The following CCDC30 variants were observed in gnomAD, a reference collection of about 807,000 sequenced individuals.
CCDC30 encodes coiled-coil domain-containing protein 30.
A neutral mutation model predicts 100.2 loss-of-function variants in CCDC30; 70 were observed. That is an observed-to-expected ratio of 0.70 (90% CI 0.58 to 0.85). The LOEUF (loss-of-function observed/expected upper bound fraction) is 0.85, where lower values mean the gene tolerates loss of function less well. Among genes scored for constraint, CCDC30 ranks in the 40% least tolerant of loss-of-function variants. The pLI, the probability that CCDC30 is intolerant of heterozygous loss-of-function variation, is 0.00. For synonymous variants in CCDC30, 233 were observed against 269.5 expected, an observed-to-expected ratio of 0.86 and a Z score of 1.33; for missense variants, 652 against 771.2, an observed-to-expected ratio of 0.85 and a Z score of 1.83.
chr1:42,515,785 C>T (rs1229171811), intron 6 of CCDC30, among the ~76,000 whole-genome samples: 2 of 152,218 alleles, frequency 1.3e-5, no homozygotes, highest in African/African-American at 4.8e-5. Flanking sequence ...CTAGATATTT[C>T]ATATAAGGGG....
At chr1:42,523,173 A>T (rs1052387197) in intron 6 of CCDC30, among the ~76,000 whole-genome samples, 2 of 152,118 alleles carry the variant, frequency 1.3e-5, no homozygotes, top group Non-Finnish European at 2.9e-5. Context: ...TTTTACTGAG[A>T]TCTTTATTAA....
chr1:42,622,425 C>T (rs1238884926), intron 11 of CCDC30, among the ~76,000 whole-genome samples: 1 of 152,190 alleles, frequency 6.6e-6, no homozygotes, highest in African/African-American at 2.4e-5. Context: ...CTTCGATATA[C>T]TGATTTCCTT....
chr1:42,459,938 C>T (rs1008876005), upstream of CCDC30: 9 of 1,575,918 alleles, frequency 5.7e-6, no homozygotes, highest in Non-Finnish European at 7.7e-6. Flanking sequence ...GTAAAAAGCC[C>T]TTATAGGATC....
intron 15 of CCDC30, among the ~76,000 whole-genome samples, chr1:42,650,484 T>TA (rs199704527): frequency 1.1e-4 from 15 of 136,192 alleles, no homozygotes; most frequent in Non-Finnish European, 2.2e-4. Context: ...AGACCCTGTC[T>TA]AAAAAAATAT....
At chr1:42,526,206 C>T (rs531249898) in intron 6 of CCDC30, among the ~76,000 whole-genome samples, 1 of 152,298 alleles carries the variant, frequency 6.6e-6, no homozygotes, top group African/African-American at 2.4e-5. Flanking sequence ...CTAATTTCCA[C>T]CCATCTCTAG....
intron 12 of CCDC30, among the ~76,000 whole-genome samples, chr1:42,640,746 T>TA (rs952334102): frequency 6.6e-6 from 1 of 151,706 alleles, no homozygotes; most frequent in Admixed American, 6.6e-5. Flanking sequence ...GTACAAAAAT[T>TA]AGCTGGGTGC....
intron 13 of CCDC30, among the ~76,000 whole-genome samples, chr1:42,644,302 A>G (rs1354107044): frequency 6.6e-6 from 1 of 152,124 alleles, no homozygotes; most frequent in Non-Finnish European, 1.5e-5. Flanking sequence ...AGCATGGGAG[A>G]AAGATGTAAA....
upstream of CCDC30, chr1:42,460,015 G>T: frequency 6.8e-7 from 1 of 1,472,000 alleles, no homozygotes; most frequent in Non-Finnish European, 8.9e-7. Flanking sequence ...CATATGGACA[G>T]ATAAAATGAA....
intron 11 of CCDC30, among the ~76,000 whole-genome samples, chr1:42,630,249 A>G (rs997852975): frequency 5.9e-5 from 9 of 152,172 alleles, no homozygotes; most frequent in African/African-American, 2.2e-4. Context: ...TGTTGGGATT[A>G]CAGGCGTGAG....
chr1:42,632,249 G>T (rs1012245544), intron 11 of CCDC30, among the ~76,000 whole-genome samples: 2 of 152,124 alleles, frequency 1.3e-5, no homozygotes, highest in African/African-American at 4.8e-5. Context: ...ATGGCTTAGG[G>T]TATGTCCAGG....
At chr1:42,635,773 A>T (rs1177055222) in intron 11 of CCDC30, among the ~76,000 whole-genome samples, 2 of 149,552 alleles carry the variant, frequency 1.3e-5, no homozygotes, top group Non-Finnish European at 3.0e-5. Flanking sequence ...GCACCACTGC[A>T]CTCCAGCCTG....
At chr1:42,470,345 AAGACCTG>A (rs1643729109) in intron 1 of CCDC30, among the ~76,000 whole-genome samples, 1 of 152,112 alleles carries the variant, frequency 6.6e-6, no homozygotes, top group African/African-American at 2.4e-5. Context: ...TGAAGATATT[AAGACCTG>A]CATTGCTGGT....
chr1:42,613,241 C>CTTTATTTTAT (rs36211187), intron 11 of CCDC30, among the ~76,000 whole-genome samples: 1 of 150,602 alleles, frequency 6.6e-6, no homozygotes, highest in African/African-American at 2.4e-5. Context: ...TATTCACGTG[C>CTTTATTTTAT]TTTATTTTAT....
Position 42,646,245 on chromosome 1 carries a change from C to T in CCDC30, c.1782C>T (p.Asn594=), listed in dbSNP as rs557443322. The T allele has an allele frequency of 2.8e-4, 434 of 1,553,440 alleles. 4 individuals carry two copies. In the South Asian group the frequency reaches 5.0e-3, roughly 18 times the overall value. Residue 594 remains asparagine (N), a synonymous_variant, in exon 15 of 17, where the codon AAC becomes AAT. Coordinates refer to ENST00000668663, the Ensembl canonical transcript of CCDC30. The stretch of plus-strand genomic sequence containing the variant: ...ACAGCACTGAGGTCTTCACCAGCAA[C>T]AATGCAGAACTCCAGCATGAGGATG...
chr1:42,474,140 T>A (rs1054027458), intron 1 of CCDC30, among the ~76,000 whole-genome samples: 1 of 152,176 alleles, frequency 6.6e-6, no homozygotes, highest in African/African-American at 2.4e-5. Context: ...TAAAGGACAA[T>A]CCAATCTCCA....
At chr1:42,537,178 T>C (rs1225902978) in intron 6 of CCDC30, 1 of 456,078 alleles carries the variant, frequency 2.2e-6, no homozygotes, top group East Asian at 6.9e-5. Flanking sequence ...GTTTGATTGT[T>C]GTAGTGTTCA....
chr1:42,589,238 T>C (rs7527588), intron 9 of CCDC30, 83 bp from the exon 14 acceptor site: 202,431 of 989,446 alleles, frequency 0.2, 23,316 homozygotes, highest in South Asian at 0.41. Flanking sequence ...AAAAAAAAAA[T>C]CCCTTGTGAT....
upstream of CCDC30, among the ~76,000 whole-genome samples, chr1:42,462,064 A>G (rs141842630): frequency 3.7e-4 from 56 of 152,332 alleles, 1 homozygote; most frequent in East Asian, 8.3e-3. Context: ...GTTTGTCTTT[A>G]CCATAATTAT....
At chr1:42,573,439 A>G (rs182755182) in intron 7 of CCDC30, among the ~76,000 whole-genome samples, 161 of 152,308 alleles carry the variant, frequency 1.1e-3, no homozygotes, top group African/African-American at 3.8e-3. Flanking sequence ...TAGAAAATAT[A>G]TAATCATTTT....
Sources: gnomAD v4.1 joint callset for allele counts (sites outside exome capture counted in the v4.1 genomes callset) on GRCh38, gnomAD v4.1.1 for gene constraint, MANE v1.5 for transcripts, NCBI Gene and HGNC (gene_info 2026-07-23, HGNC 2026-07-21) for gene names.